Variants in NELL2 observed in about 807,000 individuals in gnomAD.
NELL2 encodes the protein protein kinase C-binding protein NELL2.
A neutral mutation model predicts 109.6 loss-of-function variants in NELL2; 41 were observed. The observed-to-expected ratio is 0.37, with a 90% CI of 0.29 to 0.49. The LOEUF is 0.49. NELL2 is among the 20% of genes least tolerant of loss of function. The probability of loss-of-function intolerance (pLI) is 0.98; values close to 1 mark genes in which losing one functional copy is unlikely to be tolerated. For synonymous variants in NELL2, 355 were observed against 344.7 expected, an observed-to-expected ratio of 1.03 and a Z score of -0.33; for missense variants, 900 against 1,008.3, an observed-to-expected ratio of 0.89 and a Z score of 1.45.
At chr12:44,543,711 A>T (rs935330330) in intron 15 of NELL2, among the ~76,000 whole-genome samples, 3 of 152,180 alleles carry the variant, frequency 2.0e-5, no homozygotes, top group African/African-American at 7.2e-5. Context: ...TATTCCTGGG[A>T]AGTCATAGCA....
At chr12:44,912,112 GA>G (rs1945786770) in intron 1 of NELL2, among the ~76,000 whole-genome samples, 1 of 151,720 alleles carries the variant, frequency 6.6e-6, no homozygotes, top group African/African-American at 2.4e-5. Context: ...CACACAGAGA[GA>G]AAAAAATCAG....
chr12:44,665,565 T>C lies in NELL2; in HGVS notation c.1363A>G (p.Thr455Ala), dbSNP rs779462731. 1.2e-6 allele frequency: 2 copies of C among 1,613,636 alleles called. No homozygotes were observed. Among genetic ancestry groups the C allele is most frequent in the Non-Finnish European group, 1.7e-6 (2 of 1,179,566 alleles). Reference protein sequence around the residue: ...AEGRHYCRENTMCVNTPGSFM... With the variant: ...AEGRHYCRENAMCVNTPGSFM... ...GAACCCGGGGTGTTGACACACATTG[T>C]ATTTTCACGACAGTAATGGCGCCCT... The change falls in exon 13 of 20, where the codon ACA (threonine) becomes GCA (alanine). Residue 455 changes from threonine to alanine, a missense_variant. By Grantham distance (58) the Thr-to-Ala change is moderately conservative. Transcript: ENST00000429094.
intron 15 of NELL2, among the ~76,000 whole-genome samples, chr12:44,559,990 G>A (rs950110630): frequency 2.0e-5 from 3 of 152,276 alleles, no homozygotes; most frequent in Admixed American, 1.3e-4. Context: ...TCAGACCACA[G>A]TGCAATTACA....
Position 44,595,520 on chromosome 12 carries a change from G to A in NELL2, c.1663+11649C>T, listed in dbSNP as rs550702414. On this transcript the variant is annotated intron_variant, in intron 15 of 19. Coordinates refer to ENST00000429094, the MANE Select transcript of NELL2 (RefSeq NM_001145108.2). ...CGGCTCACTGCAAGCTCCGCCTCCC[G>A]GCTTCATGCCATTCTCCTGCCTCAG... is the stretch of plus-strand genomic sequence containing the variant. Among the ~76,000 whole-genome samples the A allele has an allele frequency of 2.0e-3, 307 of 151,774 alleles. 1 individual carries two copies. The highest frequency in any genetic ancestry group is 7.0e-3 in the African/African-American group (289 of 41,462).
intron 2 of NELL2, among the ~76,000 whole-genome samples, chr12:44,874,410 CGGCAACTTTCCACAAACA>C (rs549634788): frequency 6.6e-6 from 1 of 152,232 alleles, no homozygotes; most frequent in Non-Finnish European, 1.5e-5. Context: ...GCTCTTATTA[CGGCAACTTTCCACAAACA>C]AGCAATCCTC....
At chr12:44,860,505 GA>G (rs1566548629) in intron 2 of NELL2, among the ~76,000 whole-genome samples, 2 of 152,138 alleles carry the variant, frequency 1.3e-5, no homozygotes, top group African/African-American at 4.8e-5. Flanking sequence ...GGCTCTAAGA[GA>G]AAACTTGTTT....
intron 1 of NELL2, among the ~76,000 whole-genome samples, chr12:44,897,150 T>C (rs184197767): frequency 6.6e-6 from 1 of 152,116 alleles, no homozygotes; most frequent in Non-Finnish European, 1.5e-5. Flanking sequence ...GTAATAATCA[T>C]CTACTGAGGT....
chr12:44,789,717 CA>C (rs543373369), intron 3 of NELL2, among the ~76,000 whole-genome samples: 111 of 151,284 alleles, frequency 7.3e-4, no homozygotes, highest in South Asian at 4.6e-3. Flanking sequence ...CAAGGAAATC[CA>C]AAAAAAGATA....
rs1186250619 is a variant in NELL2 at position 44,532,536 on chromosome 12, G to C, written c.1804+45C>G. The C allele has an allele frequency of 3.2e-6, 5 of 1,586,908 alleles. No homozygotes were observed. The Admixed American group carries it at 7.0e-5, about 22-fold the overall frequency. On this transcript the variant is annotated intron_variant, in intron 16 of 19. Transcript: ENST00000429094. ...TTATAGCTTATGATATATTCCTCAA[G>C]TTCAAGAGAAGTTCTTAAATTCTAG...
chr12:44,783,348 C>A (rs1217063807), intron 3 of NELL2, among the ~76,000 whole-genome samples: 2 of 150,638 alleles, frequency 1.3e-5, no homozygotes, highest in Non-Finnish European at 3.0e-5. Flanking sequence ...AAAATAAACA[C>A]AAATCAAGTA....
chr12:44,739,145 A>C (rs1014513263), intron 9 of NELL2, among the ~76,000 whole-genome samples: 7 of 152,168 alleles, frequency 4.6e-5, no homozygotes, highest in African/African-American at 1.7e-4. Flanking sequence ...ATTAAGTCCC[A>C]AGGGTTGCCT....
intron 2 of NELL2, among the ~76,000 whole-genome samples, chr12:44,869,964 C>T (rs1945116479): frequency 6.6e-6 from 1 of 152,172 alleles, no homozygotes; most frequent in African/African-American, 2.4e-5. Context: ...AGTGCACCTT[C>T]AACACTTTTG....
chr12:44,874,858 C>T (rs1945267247), intron 2 of NELL2: 1 of 176,680 alleles, frequency 5.7e-6, no homozygotes, highest in Non-Finnish European at 1.2e-5. Context: ...AGATCAGTGT[C>T]TTAACTAAGA....
At chr12:44,765,187 T>C (rs1042098061) in intron 9 of NELL2, among the ~76,000 whole-genome samples, 3 of 152,236 alleles carry the variant, frequency 2.0e-5, no homozygotes, top group Admixed American at 1.3e-4. Flanking sequence ...CATCTTCCAA[T>C]GGTTAAAATC....
intron 13 of NELL2, among the ~76,000 whole-genome samples, chr12:44,624,977 AATATATATATATGTGTGTGT>A: frequency 7.6e-6 from 1 of 131,322 alleles, no homozygotes; most frequent in Non-Finnish European, 1.6e-5. Flanking sequence ...GAAGATGACA[AATATATATATATGTGTGTGT>A]ATATATATAT....
At chr12:44,517,845 T>C (rs981016203) in intron 19 of NELL2, among the ~76,000 whole-genome samples, 4 of 152,132 alleles carry the variant, frequency 2.6e-5, no homozygotes, top group African/African-American at 9.7e-5. Flanking sequence ...ACGGTGTGTA[T>C]TTATCAATTA....
intron 15 of NELL2, among the ~76,000 whole-genome samples, chr12:44,595,593 ATTTT>A (rs57566164): frequency 3.3e-5 from 4 of 121,314 alleles, no homozygotes; most frequent in African/African-American, 9.4e-5. Context: ...CACCCAGCTA[ATTTT>A]TTTTTTTTTT....
At chr12:44,509,108 C>A (rs535457634) in intron 19 of NELL2, 124 bp from the exon 20 acceptor site, 3 of 743,418 alleles carry the variant, frequency 4.0e-6, no homozygotes, top group African/African-American at 1.8e-5. Context: ...CCTAAAAATT[C>A]AATGGCCCAA....
intron 1 of NELL2, among the ~76,000 whole-genome samples, chr12:44,898,809 C>T (rs1325237733): frequency 4.6e-5 from 7 of 152,178 alleles, no homozygotes; most frequent in African/African-American, 1.7e-4. Flanking sequence ...CAAACTACTC[C>T]GAGCTAAAGG....
Sources: gnomAD v4.1 joint callset for allele counts (sites outside exome capture counted in the v4.1 genomes callset) on GRCh38, gnomAD v4.1.1 for gene constraint, MANE v1.5 for transcripts, NCBI Gene and HGNC (gene_info 2026-07-23, HGNC 2026-07-21) for gene names.